Variants in CAMK2G observed in about 807,000 individuals in gnomAD.
The protein encoded by CAMK2G is calcium/calmodulin dependent protein kinase II gamma, also known as calcium/calmodulin-dependent protein kinase type II subunit gamma.
CAMK2G carries 23 observed loss-of-function variants against 88.7 expected under a neutral mutation model. The observed-to-expected ratio is 0.26, with a 90% CI of 0.19 to 0.37. CAMK2G has a LOEUF of 0.37. CAMK2G is among the 10% of genes least tolerant of loss of function. The probability of loss-of-function intolerance (pLI) is 1.00; values close to 1 mark genes in which losing one functional copy is unlikely to be tolerated. For synonymous variants in CAMK2G, 263 were observed against 294.8 expected, an observed-to-expected ratio of 0.89 and a Z score of 1.11; for missense variants, 476 against 780.8, an observed-to-expected ratio of 0.61 and a Z score of 4.65.
Position 73,814,982 on chromosome 10 carries a change from TCCC to T in CAMK2G, c.*12+18_*12+20del. The T allele has an allele frequency of 6.5e-7, 1 of 1,530,980 alleles. No individual in the cohort carries two copies. Among genetic ancestry groups the T allele is most frequent in the African/African-American group, 1.4e-5 (1 of 73,382 alleles). 94.8% of individuals were successfully genotyped at this position (1,530,980 alleles called of 1,614,324 possible). ...CTATCCCAGGCCCTTCCAGCCCCTC[TCCC>T]CCGTCAACCAGGTGCACCTGTGGCT... is the stretch of plus-strand genomic sequence containing the variant. On this transcript the variant is annotated intron_variant, in intron 22 of 22. Transcript: ENST00000423381.
intron 12 of CAMK2G, 185 bp downstream of exon 12, chr10:73,841,984 A>C (rs2093824766): frequency 3.2e-6 from 2 of 629,422 alleles, no homozygotes. Context: ...ATGTGAGTCC[A>C]GCCCCCTGAA....
chr10:73,838,956 C>T (rs2093510510), intron 13 of CAMK2G, among the ~76,000 whole-genome samples: 1 of 152,220 alleles, frequency 6.6e-6, no homozygotes, highest in Non-Finnish European at 1.5e-5. Flanking sequence ...TGATCTTAAG[C>T]ACCACCATGT....
In CAMK2G at chr10:73,849,141, G is replaced by A. The variant is rs1335015906; in HGVS notation, c.415-26C>T. On this transcript the variant is annotated intron_variant, in intron 6 of 22. Coordinates refer to ENST00000423381, the MANE Select transcript of CAMK2G (RefSeq NM_001367534.1). ...CTGCAGAAGAAACACAGAGAACCTT[G>A]TGAGCACCCACCCTGCAGCCCAGAG... 5 of 1,596,772 alleles carry A rather than the reference G, an allele frequency of 3.1e-6. No homozygotes were observed. The Admixed American group carries it at 5.0e-5, about 16-fold the overall frequency.
chr10:73,826,654 GTTC>G lies in CAMK2G; in HGVS notation c.1087-1310_1087-1308del, dbSNP rs1186934457. Among the ~76,000 whole-genome samples, 6 of 152,202 alleles carry G rather than the reference GTTC, an allele frequency of 3.9e-5. No homozygotes were observed. In the South Asian group the frequency reaches 1.0e-3, roughly 26 times the overall value. On this transcript the variant is annotated intron_variant, in intron 15 of 22. Transcript: ENST00000423381. ...CTGAGGAGCAGCCTGATGCCTGCAA[GTTC>G]TTCAATAGGCAGTGAGACAAATGTG...
intron 12 of CAMK2G, among the ~76,000 whole-genome samples, chr10:73,840,129 G>A (rs1413818092): frequency 2.6e-5 from 4 of 152,136 alleles, no homozygotes; most frequent in Admixed American, 6.5e-5. Context: ...GTTTACTGGT[G>A]GGCCCCAGCT....
intron 17 of CAMK2G, among the ~76,000 whole-genome samples, chr10:73,822,629 C>T (rs542900591): frequency 6.6e-6 from 1 of 152,260 alleles, no homozygotes; most frequent in South Asian, 2.1e-4. Context: ...TCTCCAACCT[C>T]ATCACTCTCC....
At chr10:73,819,306 G>A (rs542497319) in intron 19 of CAMK2G, among the ~76,000 whole-genome samples, 1 of 152,158 alleles carries the variant, frequency 6.6e-6, no homozygotes, top group Non-Finnish European at 1.5e-5. Context: ...CCCAGGCCAT[G>A]TTTTTCCACC....
chr10:73,862,301 C>G (rs867578437), intron 2 of CAMK2G, among the ~76,000 whole-genome samples: 9 of 85,698 alleles, frequency 1.1e-4, no homozygotes, highest in Non-Finnish European at 1.5e-4. Flanking sequence ...TACTCCACCC[C>G]CCCCCCCCCC....
chr10:73,833,191 G>C (rs907226626), intron 14 of CAMK2G, among the ~76,000 whole-genome samples: 5 of 151,336 alleles, frequency 3.3e-5, no homozygotes, highest in Non-Finnish European at 7.4e-5. Context: ...TCAAGCTCTT[G>C]GGTTCAAGCA....
rs1414208579 is a variant in CAMK2G, at chr10:73,842,409, G to C, written c.903+49C>G. ...CTGAAATGGGGCAGGAGCCACACTGGTGCAAGGCATGATGTCAAGGAGGCT... is the reference window on the plus strand; with the variant it reads ...CTGAAATGGGGCAGGAGCCACACTGCTGCAAGGCATGATGTCAAGGAGGCT... On this transcript the variant is annotated intron_variant, in intron 11 of 22. Transcript: ENST00000423381. This position sits in a 1 kb window ranked among gnomAD's most constrained non-coding sequence, Gnocchi z 4.6. The C allele has an allele frequency of 1.4e-6, 2 of 1,399,144 alleles. No individual in the cohort carries two copies. Among genetic ancestry groups the C allele is most frequent in the Non-Finnish European group, 2.0e-6 (2 of 983,804 alleles). 86.7% of individuals were successfully genotyped at this position (1,399,144 alleles called of 1,614,324 possible). A position where few individuals can be genotyped will look rare whatever the true frequency, so the allele number is the denominator to read the frequency against.
At chr10:73,820,761 C>T (rs1357666820) in intron 18 of CAMK2G, among the ~76,000 whole-genome samples, 1 of 148,690 alleles carries the variant, frequency 6.7e-6, no homozygotes, top group Non-Finnish European at 1.5e-5. Flanking sequence ...CAACCTCCAC[C>T]TCCCAGGTTC....
At chr10:73,873,685 C>G (rs897518828) in intron 1 of CAMK2G, among the ~76,000 whole-genome samples, 1 of 139,086 alleles carries the variant, frequency 7.2e-6, no homozygotes, top group Non-Finnish European at 1.5e-5. Context: ...TTGACGTCCC[C>G]GTCAAACGGG....
At position 73,848,662 on chromosome 10, in the gene CAMK2G, A is replaced by T; in HGVS notation, c.518-53T>A. On this transcript the variant is annotated intron_variant, in intron 7 of 22. Transcript: ENST00000423381. The surrounding 1 kb of genome is among the most constrained non-coding windows in gnomAD (Gnocchi z 4.5). ...ACTGAACCCACTTTCTCTCTCGTTA[A>T]ATCCACACCAGCCATTTCCCCCAAG... 1 of 1,010,836 alleles carries T rather than the reference A, an allele frequency of 9.9e-7. No individual in the cohort carries two copies. The highest frequency in any genetic ancestry group is 1.5e-6 in the Non-Finnish European group (1 of 658,492). 62.6% of individuals were successfully genotyped at this position (1,010,836 alleles called of 1,614,324 possible). A position where few individuals can be genotyped will look rare whatever the true frequency, so the allele number is the denominator to read the frequency against.
intron 15 of CAMK2G, 111 bp from the exon 16 acceptor site, chr10:73,825,458 G>A (rs990616783): frequency 1.3e-6 from 1 of 792,302 alleles, no homozygotes; most frequent in Non-Finnish European, 2.2e-6. Flanking sequence ...GTAGGCCTGA[G>A]GTGGCCTCCA....
chr10:73,872,475 G>A (rs1332911532), intron 2 of CAMK2G, among the ~76,000 whole-genome samples: 1 of 152,228 alleles, frequency 6.6e-6, no homozygotes, highest in Non-Finnish European at 1.5e-5. Context: ...AGAAGCCCTC[G>A]CCAGTAGCAG....
chr10:73,818,919 T>C (rs1422217185), intron 19 of CAMK2G: 1 of 433,028 alleles, frequency 2.3e-6, no homozygotes, highest in East Asian at 7.1e-5. Context: ...GATGAGCTAC[T>C]GATAACCCAT....
rs71471647 is a variant in CAMK2G at position 73,839,653 on chromosome 10, G to A, written c.947-52C>T. ...CAGAGCCCCGCAAAGCCACGGGGCC[G>A]TCAGCAGCGAGCATGCCCCAGCGCG... On this transcript the variant is annotated intron_variant, in intron 12 of 22. Coordinates refer to ENST00000423381, the MANE Select transcript of CAMK2G (RefSeq NM_001367534.1). The surrounding 1 kb of genome is among the most constrained non-coding windows in gnomAD (Gnocchi z 4.2). 5.1e-4 allele frequency: 564 copies of A among 1,100,454 alleles called. 1 individual carries two copies. The highest frequency in any genetic ancestry group is 6.2e-4 in the Non-Finnish European group (537 of 866,954). The allele number at this position is 1,100,454 out of a possible 1,614,324, so 68.2% of individuals were successfully genotyped here.
In CAMK2G at chr10:73,816,020, G is replaced by A. The variant is rs1331739986; in HGVS notation, c.1535-773C>T. 6 of 985,210 alleles carry A rather than the reference G, an allele frequency of 6.1e-6. No homozygotes were observed. The East Asian group carries it at 4.5e-4, about 74-fold the overall frequency. The allele number at this position is 985,210 out of a possible 1,614,324, so 61.0% of individuals were successfully genotyped here. On this transcript the variant is annotated intron_variant, in intron 21 of 22. Transcript: ENST00000423381. ...CTTAGATAACAGAGAGTTTATATAT[G>A]TAGCTGAGATGTGATAAGGGTGGGA...
intron 14 of CAMK2G, among the ~76,000 whole-genome samples, chr10:73,832,929 C>G (rs2092671505): frequency 6.6e-6 from 1 of 150,688 alleles, no homozygotes; most frequent in Non-Finnish European, 1.5e-5. Context: ...TCCTTACTGG[C>G]TTTTCAAATT....
Sources: gnomAD v4.1 joint callset for allele counts (sites outside exome capture counted in the v4.1 genomes callset) on GRCh38, gnomAD v4.1.1 for gene constraint, Gnocchi (gnomAD v3.1) non-coding constraint, MANE v1.5 for transcripts, NCBI Gene and HGNC (gene_info 2026-07-23, HGNC 2026-07-21) for gene names.